Variants in PALM2AKAP2 observed in about 807,000 individuals in gnomAD.
PALM2AKAP2 encodes PALM2-AKAP2 fusion protein.
PALM2AKAP2 carries 37 observed loss-of-function variants against 71.5 expected under a neutral mutation model. The ratio of observed to expected loss-of-function variants is 0.52; its 90% CI spans 0.40 to 0.68. PALM2AKAP2 has a LOEUF of 0.68. PALM2AKAP2 is among the 30% of genes least tolerant of loss of function. The probability of loss-of-function intolerance (pLI) is 0.00; values close to 1 mark genes in which losing one functional copy is unlikely to be tolerated. For synonymous variants in PALM2AKAP2, 468 were observed against 478.8 expected (o/e 0.98, Z 0.29); for missense variants, 1,224 against 1,191.8 (o/e 1.03, Z -0.40).
intron 1 of PALM2AKAP2, among the ~76,000 whole-genome samples, chr9:109,691,833 G>GATAT (rs1185965530): frequency 0.014 from 512 of 35,856 alleles, 3 homozygotes; most frequent in Middle Eastern, 0.079. Flanking sequence ...CCAGAAAGAC[G>GATAT]ATATATATAT....
At chr9:109,886,037 T>C (rs1829956826) in intron 3 of PALM2AKAP2, among the ~76,000 whole-genome samples, 1 of 152,238 alleles carries the variant, frequency 6.6e-6, no homozygotes, top group Admixed American at 6.5e-5. Flanking sequence ...CAGGATTATA[T>C]TTTTGGCTCC....
chr9:109,975,614 T>G (rs1431997701), intron 6 of PALM2AKAP2, among the ~76,000 whole-genome samples: 2 of 152,358 alleles, frequency 1.3e-5, no homozygotes, highest in Admixed American at 1.3e-4. Context: ...TACCCTTGAT[T>G]GTATTTGAAA....
chr9:109,983,581 A>T (rs1027265065), intron 6 of PALM2AKAP2, among the ~76,000 whole-genome samples: 4 of 152,170 alleles, frequency 2.6e-5, no homozygotes, highest in Non-Finnish European at 4.4e-5. Flanking sequence ...AACATGTAAG[A>T]TCTGGCTGGG....
At chr9:109,898,443 T>G (rs917327152) in intron 3 of PALM2AKAP2, among the ~76,000 whole-genome samples, 1 of 152,234 alleles carries the variant, frequency 6.6e-6, no homozygotes, top group Non-Finnish European at 1.5e-5. Context: ...AATTCATGCT[T>G]CTTATTTTAT....
chr9:109,895,154 A>G (rs1299397297), intron 3 of PALM2AKAP2, among the ~76,000 whole-genome samples: 7 of 152,220 alleles, frequency 4.6e-5, no homozygotes, highest in Non-Finnish European at 7.3e-5. Flanking sequence ...AACTAATGCA[A>G]AAGCAAATCT....
chr9:110,108,570 CA>C (rs962469157), intron 1 of PALM2AKAP2, among the ~76,000 whole-genome samples: 1 of 152,120 alleles, frequency 6.6e-6, no homozygotes, highest in African/African-American at 2.4e-5. Context: ...CTGTTTGCTA[CA>C]GGGGTGCAAT....
chr9:109,726,374 C>T (rs1408889861), intron 1 of PALM2AKAP2, among the ~76,000 whole-genome samples: 6 of 152,216 alleles, frequency 3.9e-5, no homozygotes, highest in Non-Finnish European at 5.9e-5. Flanking sequence ...CAGTGCCCAG[C>T]ATCTGCCGGG....
At chr9:109,811,170 C>G (rs1827717265) in intron 1 of PALM2AKAP2, among the ~76,000 whole-genome samples, 1 of 152,126 alleles carries the variant, frequency 6.6e-6, no homozygotes, top group South Asian at 2.1e-4. Context: ...GAAATCAGGT[C>G]TTGGGTGTGT....
At chr9:110,102,358 TATGA>T (rs2118880291) in intron 1 of PALM2AKAP2, among the ~76,000 whole-genome samples, 1 of 152,366 alleles carries the variant, frequency 6.6e-6, no homozygotes, top group African/African-American at 2.4e-5. Flanking sequence ...TACAGGGATT[TATGA>T]ATATGTATTA....
chr9:109,723,163 G>A (rs1321592963), intron 1 of PALM2AKAP2, among the ~76,000 whole-genome samples: 1 of 152,124 alleles, frequency 6.6e-6, no homozygotes, highest in Non-Finnish European at 1.5e-5. Flanking sequence ...AAAATAAATG[G>A]GGTAGAAAGA....
chr9:110,042,753 GT>G (rs1833530542), intron 7 of PALM2AKAP2, among the ~76,000 whole-genome samples: 1 of 151,984 alleles, frequency 6.6e-6, no homozygotes, highest in African/African-American at 2.4e-5. Context: ...GACTCTTGTT[GT>G]TCTGATTTCC....
intron 1 of PALM2AKAP2, among the ~76,000 whole-genome samples, chr9:110,074,624 G>A (rs1176381188): frequency 2.6e-5 from 4 of 152,108 alleles, no homozygotes; most frequent in Non-Finnish European, 5.9e-5. Context: ...GACTCCAATA[G>A]TTCACAAAAA....
At chr9:110,107,895 T>G (rs749605572) in intron 1 of PALM2AKAP2, among the ~76,000 whole-genome samples, 1 of 152,140 alleles carries the variant, frequency 6.6e-6, no homozygotes, top group Non-Finnish European at 1.5e-5. Flanking sequence ...AAGAGTAAGT[T>G]GATATGAACA....
chr9:109,813,314 T>C (rs905320614), intron 1 of PALM2AKAP2, among the ~76,000 whole-genome samples: 1 of 152,234 alleles, frequency 6.6e-6, no homozygotes, highest in Admixed American at 6.5e-5. Flanking sequence ...CAGCTTGCCC[T>C]AATGAATTGG....
At chr9:109,899,246 C>T (rs1264441003) in intron 3 of PALM2AKAP2, among the ~76,000 whole-genome samples, 1 of 152,146 alleles carries the variant, frequency 6.6e-6, no homozygotes. Context: ...CATTGAAAAA[C>T]ATCACCATGC....
chr9:109,696,427 T>A (rs532346646), intron 1 of PALM2AKAP2, among the ~76,000 whole-genome samples: 1 of 152,322 alleles, frequency 6.6e-6, no homozygotes, highest in South Asian at 2.1e-4. Context: ...TTGACAAAGA[T>A]TAAAAAATTT....
intron 7 of PALM2AKAP2, among the ~76,000 whole-genome samples, chr9:110,023,305 C>CTTT (rs149672913): frequency 8.1e-5 from 6 of 74,038 alleles, no homozygotes; most frequent in East Asian, 4.4e-4. Flanking sequence ...ATTGTGGTTT[C>CTTT]TTTTTTTTTT....
exon 2 of PALM2AKAP2, chr9:110,138,009 C>G: frequency 3.1e-6 from 5 of 1,613,970 alleles, no homozygotes; most frequent in Non-Finnish European, 3.4e-6. Flanking sequence ...AAAGCTGTGT[C>G]CAAAACCAGC....
chr9:109,710,811 G>C (rs1828222880), intron 1 of PALM2AKAP2, among the ~76,000 whole-genome samples: 1 of 152,192 alleles, frequency 6.6e-6, no homozygotes, highest in South Asian at 2.1e-4. Context: ...GGAGCCTCTT[G>C]AAATTGCAGC....
Sources: gnomAD v4.1 joint callset for allele counts (sites outside exome capture counted in the v4.1 genomes callset) on GRCh38, gnomAD v4.1.1 for gene constraint, MANE v1.5 for transcripts, NCBI Gene and HGNC (gene_info 2026-07-23, HGNC 2026-07-21) for gene names.